DYNC2I1: variants seen among roughly 807,000 people sequenced by gnomAD.
DYNC2I1 encodes cytoplasmic dynein 2 intermediate chain 1.
In DYNC2I1, 89 loss-of-function variants were observed where a neutral mutation model predicts 133.4. The observed-to-expected ratio is 0.67, with a 90% CI of 0.56 to 0.80. The LOEUF (loss-of-function observed/expected upper bound fraction) is 0.80, where lower values mean the gene tolerates loss of function less well. Ranked by LOEUF, DYNC2I1 falls within the 30% of genes least tolerant of loss-of-function variation. DYNC2I1 has a pLI of 0.00. For missense variants in DYNC2I1, 1,291 were observed against 1,314.5 expected, an observed-to-expected ratio of 0.98 and a Z score of 0.28; for synonymous variants, 504 against 484.3, an observed-to-expected ratio of 1.04 and a Z score of -0.54.
chr7:158,873,553 GTGGAA>G (rs1446153693), intron 3 of DYNC2I1, among the ~76,000 whole-genome samples: 1 of 152,138 alleles, frequency 6.6e-6, no homozygotes, highest in Non-Finnish European at 1.5e-5. Context: ...TATACATGAG[GTGGAA>G]TGGATGGGTT....
chr7:158,843,684 C>T, the DYNC2I1 span, among the ~76,000 whole-genome samples: 3 of 152,124 alleles, frequency 2.0e-5, no homozygotes, highest in African/African-American at 7.2e-5. Context: ...GCTGAGCCAC[C>T]GTGCCCAGCC....
At chr7:158,941,065 A>G (rs528226261) in intron 23 of DYNC2I1, among the ~76,000 whole-genome samples, 1 of 152,270 alleles carries the variant, frequency 6.6e-6, no homozygotes, top group East Asian at 1.9e-4. Flanking sequence ...GATAAGCAAA[A>G]TCGACAAACT....
At chr7:158,889,065 A>ACC (rs1554452655) in intron 7 of DYNC2I1, among the ~76,000 whole-genome samples, 3 of 120,288 alleles carry the variant, frequency 2.5e-5, no homozygotes, top group Admixed American at 8.7e-5. Flanking sequence ...ACACACACAC[A>ACC]CCCCTCCTGT....
intron 10 of DYNC2I1, chr7:158,904,744 TG>T (rs1846588000): frequency 6.2e-6 from 1 of 160,474 alleles, no homozygotes; most frequent in Non-Finnish European, 1.4e-5. Flanking sequence ...GGAACTGAGA[TG>T]CAGAGATGAG....
intron 3 of DYNC2I1, among the ~76,000 whole-genome samples, chr7:158,875,319 T>C (rs984774996): frequency 6.6e-6 from 1 of 152,154 alleles, no homozygotes; most frequent in Admixed American, 6.5e-5. Flanking sequence ...AATCTTGAAC[T>C]CCTGACTTCG....
In DYNC2I1 at chr7:158,891,330, C is replaced by T. The variant is rs528993084; in HGVS notation, c.1056C>T (p.Thr352=). 26 of 1,614,030 alleles carry T rather than the reference C, an allele frequency of 1.6e-5. No individual in the cohort carries two copies. The highest frequency in any genetic ancestry group is 5.3e-5 in the African/African-American group (4 of 75,050). The part of the protein sequence containing the change: ...KLDQRPGGEE[T]VEIEKEETDL... Reference sequence around the variant, plus strand: ...ACCAGAGGCCGGGAGGCGAGGAAACCGTGGTAAGGAGAGTACGTCTTCTTA... The same window carrying T: ...ACCAGAGGCCGGGAGGCGAGGAAACTGTGGTAAGGAGAGTACGTCTTCTTA... Residue 352 remains threonine (T), a synonymous_variant, in exon 8 of 25, where the codon ACC becomes ACT. Transcript: ENST00000407559.
intron 15 of DYNC2I1, among the ~76,000 whole-genome samples, chr7:158,921,980 G>A (rs142070224): frequency 2.0e-5 from 3 of 152,388 alleles, no homozygotes; most frequent in African/African-American, 4.8e-5. Context: ...AGTGTGCCAC[G>A]TGGTGTTCCA....
intron 3 of DYNC2I1, 101 bp from the exon 4 acceptor site, chr7:158,876,508 A>C: frequency 7.3e-7 from 1 of 1,378,330 alleles, no homozygotes. Context: ...ATACATATTA[A>C]CGAATATAAA....
chr7:158,932,346 G>A (rs905797890), intron 21 of DYNC2I1, among the ~76,000 whole-genome samples: 8 of 152,278 alleles, frequency 5.3e-5, no homozygotes, highest in Middle Eastern at 3.4e-3. Context: ...CCTTTGAGGT[G>A]GAGTTAGATG....
Position 158,906,057 on chromosome 7 carries a change from C to T in DYNC2I1, c.1426C>T (p.Arg476Cys), listed in dbSNP as rs986989236. 5.6e-6 allele frequency: 9 copies of T among 1,613,506 alleles called. No homozygotes were observed. The highest frequency in any genetic ancestry group is 3.3e-5 in the South Asian group (3 of 90,978). The change falls in exon 11 of 25, where the codon CGT (arginine) becomes TGT (cysteine). Residue 476 changes from arginine (R) to cysteine (C), a missense_variant. By Grantham distance (180) the Arg-to-Cys change is radical (BLOSUM62 -3). Transcript: ENST00000407559. ...IFVDFASASH[R>C]QKSRTQALKQ... is the part of the protein sequence containing the mutation. Reference sequence around the variant, plus strand: ...TGTGGATTTTGCCTCAGCTTCACACCGTCAAAAGAGTCGGACTCAGGCCCT... The same window carrying T: ...TGTGGATTTTGCCTCAGCTTCACACTGTCAAAAGAGTCGGACTCAGGCCCT...
intron 20 of DYNC2I1, among the ~76,000 whole-genome samples, chr7:158,928,621 T>C (rs938791643): frequency 2.6e-4 from 40 of 152,212 alleles, no homozygotes; most frequent in African/African-American, 9.4e-4. Flanking sequence ...CGGCACCCTC[T>C]CTGCTCATGG....
chr7:158,871,671 TC>T (rs1842898628), intron 3 of DYNC2I1, 109 bp downstream of exon 3: 9 of 1,256,242 alleles, frequency 7.2e-6, no homozygotes, highest in Non-Finnish European at 9.6e-6. Context: ...CTTCCCTCCT[TC>T]CCCTTTCCTT....
intron 17 of DYNC2I1, among the ~76,000 whole-genome samples, chr7:158,925,923 G>A (rs965344274): frequency 6.6e-6 from 1 of 152,188 alleles, no homozygotes; most frequent in Admixed American, 6.5e-5. Context: ...TGGATGGTGG[G>A]CTTTAGCTTT....
At chr7:158,876,133 C>T (rs1240462683) in intron 3 of DYNC2I1, among the ~76,000 whole-genome samples, 1 of 152,136 alleles carries the variant, frequency 6.6e-6, no homozygotes, top group Non-Finnish European at 1.5e-5. Context: ...GGAGAGGCCT[C>T]AGGAGACTTA....
At chr7:158,915,084 TC>T (rs1847905054) in intron 14 of DYNC2I1, among the ~76,000 whole-genome samples, 3 of 128,842 alleles carry the variant, frequency 2.3e-5, no homozygotes, top group Non-Finnish European at 3.7e-5. Context: ...TTGTGAAACC[TC>T]GACATGCTGG....
chr7:158,852,408 C>T (rs1841079470), upstream of DYNC2I1, among the ~76,000 whole-genome samples: 1 of 151,760 alleles, frequency 6.6e-6, no homozygotes, highest in Non-Finnish European at 1.5e-5. Context: ...GCATGAGCCA[C>T]CGCGCCCGGC....
upstream of DYNC2I1, among the ~76,000 whole-genome samples, chr7:158,853,976 G>A (rs1841111783): frequency 6.7e-6 from 1 of 149,698 alleles, no homozygotes; most frequent in South Asian, 2.1e-4. Flanking sequence ...GCTCAAATCA[G>A]TGTCCCCCAA....
chr7:158,937,184 CAA>C (rs1585234875), intron 23 of DYNC2I1, among the ~76,000 whole-genome samples: 2 of 152,132 alleles, frequency 1.3e-5, no homozygotes, highest in East Asian at 3.8e-4. Context: ...AGAAATTTAA[CAA>C]AGAGATTGAA....
the DYNC2I1 span, among the ~76,000 whole-genome samples, chr7:158,844,135 T>C: frequency 2.0e-5 from 3 of 152,212 alleles, no homozygotes; most frequent in South Asian, 6.2e-4. Flanking sequence ...CTCTCCTCTC[T>C]CTCTCGTTTT....
Sources: gnomAD v4.1 joint callset for allele counts (sites outside exome capture counted in the v4.1 genomes callset) on GRCh38, gnomAD v4.1.1 for gene constraint, MANE v1.5 for transcripts, NCBI Gene and HGNC (gene_info 2026-07-23, HGNC 2026-07-21) for gene names.